PFKFB3: variants seen among roughly 807,000 people sequenced by gnomAD.
PFKFB3 encodes the protein 6-phosphofructo-2-kinase/fructose-2,6-biphosphatase 3.
PFKFB3 carries 33 observed loss-of-function variants against 68.0 expected under a neutral mutation model. The ratio of observed to expected loss-of-function variants is 0.49; its 90% confidence interval spans 0.37 to 0.65. The LOEUF is 0.65. PFKFB3 is among the 30% of genes least tolerant of loss of function. The pLI, the probability that PFKFB3 is intolerant of heterozygous loss-of-function variation, is 0.00. For synonymous variants in PFKFB3, 315 were observed against 288.2 expected, an observed-to-expected ratio of 1.09 and a Z score of -0.94; for missense variants, 586 against 712.2, an observed-to-expected ratio of 0.82 and a Z score of 2.02.
chr10:6,192,295 G>A (rs1053857186), intron 1 of PFKFB3, among the ~76,000 whole-genome samples: 2 of 151,432 alleles, frequency 1.3e-5, no homozygotes, highest in Non-Finnish European at 2.9e-5. Context: ...AGCCCAGCCT[G>A]GAGGTTTCCT....
chr10:6,273,318 T>G, the PFKFB3 span, among the ~76,000 whole-genome samples: 1 of 151,810 alleles, frequency 6.6e-6, no homozygotes, highest in African/African-American at 2.4e-5. Context: ...AGGCCTGGAG[T>G]TTTCCCCGTT....
At chr10:6,270,152 C>T in the PFKFB3 span, among the ~76,000 whole-genome samples, 1 of 151,926 alleles carries the variant, frequency 6.6e-6, no homozygotes, top group African/African-American at 2.4e-5. Context: ...ACAAACAAAA[C>T]AAAACAACAA....
At chr10:6,145,022 C>G in intron 1 of PFKFB3, 1 of 1,335,978 alleles carries the variant, frequency 7.5e-7, no homozygotes, top group East Asian at 3.1e-5. Flanking sequence ...AGGTAGGAGT[C>G]CCGGTGACGC....
intron 1 of PFKFB3, among the ~76,000 whole-genome samples, chr10:6,191,333 T>C (rs1843018014): frequency 6.6e-6 from 1 of 152,224 alleles, no homozygotes; most frequent in Non-Finnish European, 1.5e-5. Flanking sequence ...TCAAGACCCG[T>C]TGCGTGCCAA....
At chr10:6,299,015 G>A in the PFKFB3 span, among the ~76,000 whole-genome samples, 15 of 152,172 alleles carry the variant, frequency 9.9e-5, no homozygotes, top group South Asian at 4.2e-4. Flanking sequence ...TTTCCTTCTC[G>A]GATGTAATGA....
the PFKFB3 span, among the ~76,000 whole-genome samples, chr10:6,311,317 A>G: frequency 3.3e-5 from 5 of 152,116 alleles, no homozygotes; most frequent in Non-Finnish European, 7.4e-5. Flanking sequence ...ATGGAAAATC[A>G]CCAAAAGCAC....
the PFKFB3 span, among the ~76,000 whole-genome samples, chr10:6,265,916 T>A: frequency 6.6e-6 from 1 of 152,038 alleles, no homozygotes; most frequent in Admixed American, 6.6e-5. Flanking sequence ...CTATTTATTA[T>A]TATCATTTTT....
chr10:6,224,216 G>C lies in PFKFB3; in HGVS notation c.1341+3G>C. 6.2e-7 allele frequency: 1 copy of C among 1,613,704 alleles called. No homozygotes were observed. The highest frequency in any genetic ancestry group is 8.5e-7 in the Non-Finnish European group (1 of 1,179,852). On this transcript the variant is annotated splice_donor_region_variant and intron_variant, in intron 13 of 14. Coordinates refer to ENST00000379775, the MANE Select transcript of PFKFB3 (RefSeq NM_004566.4). ...GCACACACCGGGAGAGGTCAGAGGT[G>C]AGTGGAGGCCCCAAGCCTCATCCTG...
chr10:6,224,678 G>T (rs763386508), intron 13 of PFKFB3: 3 of 334,176 alleles, frequency 9.0e-6, no homozygotes, highest in Non-Finnish European at 1.8e-5. Context: ...TAGATAATGG[G>T]GTCTCACTGT....
chr10:6,308,737 G>A, the PFKFB3 span, among the ~76,000 whole-genome samples: 5,081 of 152,162 alleles, frequency 0.033, 131 homozygotes, highest in Middle Eastern at 0.15. Context: ...CCATGACAGC[G>A]AGCGTTATTA....
chr10:6,169,134 G>T (rs1202463933), intron 1 of PFKFB3, among the ~76,000 whole-genome samples: 1 of 152,128 alleles, frequency 6.6e-6, no homozygotes, highest in East Asian at 1.9e-4. Flanking sequence ...TAGAGACGGG[G>T]TCTTGCCATG....
intron 14 of PFKFB3, among the ~76,000 whole-genome samples, chr10:6,249,946 C>A (rs1299343861): frequency 6.6e-6 from 1 of 152,070 alleles, no homozygotes; most frequent in East Asian, 1.9e-4. Context: ...GTACCCTAGC[C>A]ATATATAAAT....
intron 1 of PFKFB3, among the ~76,000 whole-genome samples, chr10:6,173,056 T>C (rs1456892927): frequency 6.6e-6 from 1 of 152,218 alleles, no homozygotes; most frequent in Non-Finnish European, 1.5e-5. Context: ...TTGGCCTGCA[T>C]GTCCTTCAAC....
chr10:6,293,115 T>G, the PFKFB3 span: 1 of 436,224 alleles, frequency 2.3e-6, no homozygotes, highest in Non-Finnish European at 4.6e-6. Flanking sequence ...TCAGGAATGG[T>G]GTGGTCTATT....
intron 13 of PFKFB3, among the ~76,000 whole-genome samples, 161 bp from the exon 14 acceptor site, chr10:6,226,031 A>T (rs1350434034): frequency 6.6e-6 from 1 of 152,004 alleles, no homozygotes; most frequent in Non-Finnish European, 1.5e-5. Flanking sequence ...GTCACCGCAC[A>T]CTCAGCAGCC....
intron 1 of PFKFB3, among the ~76,000 whole-genome samples, chr10:6,186,803 T>C (rs1039835526): frequency 6.6e-6 from 1 of 152,162 alleles, no homozygotes; most frequent in African/African-American, 2.4e-5. Flanking sequence ...TAGCCTTTAT[T>C]CGTTCTTTTT....
chr10:6,145,133 G>T, intron 1 of PFKFB3: 2 of 791,930 alleles, frequency 2.5e-6, no homozygotes, highest in South Asian at 4.4e-5. Context: ...CCCGGGCTGC[G>T]GCGGTGCCGC....
At chr10:6,293,307 T>C in the PFKFB3 span, 3 of 359,884 alleles carry the variant, frequency 8.3e-6, no homozygotes, top group African/African-American at 6.5e-5. Flanking sequence ...AGACCATTTC[T>C]GGCTACAGAA....
chr10:6,205,298 G>A (rs1474698384), intron 1 of PFKFB3, among the ~76,000 whole-genome samples: 1 of 151,908 alleles, frequency 6.6e-6, no homozygotes, highest in Non-Finnish European at 1.5e-5. Flanking sequence ...GGAATGGAGG[G>A]AAGAAGGTGT....
Sources: allele counts gnomAD v4.1 joint callset (sites outside exome capture counted in the v4.1 genomes callset), GRCh38; gene constraint gnomAD v4.1.1; transcripts MANE v1.5; gene names NCBI Gene and HGNC (gene_info 2026-07-23, HGNC 2026-07-21).